Variants in RBM20 observed in about 807,000 individuals in gnomAD.
RBM20 encodes the protein RNA-binding protein 20.
In RBM20, 51 loss-of-function variants were observed where a neutral mutation model predicts 110.1. The observed-to-expected ratio is 0.46, with a 90% CI of 0.37 to 0.59. The LOEUF (loss-of-function observed/expected upper bound fraction) is 0.59, where lower values mean the gene tolerates loss of function less well. Ranked by LOEUF, RBM20 falls within the 20% of genes least tolerant of loss-of-function variation. The pLI is 0.00. For missense variants in RBM20, 1,512 were observed against 1,574.9 expected (o/e 0.96, Z 0.68); for synonymous variants, 589 against 618.2 (o/e 0.95, Z 0.70).
At chr10:110,751,443 GC>G (rs1182234505) in intron 1 of RBM20, among the ~76,000 whole-genome samples, 2 of 152,124 alleles carry the variant, frequency 1.3e-5, no homozygotes, top group Admixed American at 6.5e-5. Context: ...TAAAAAACAT[GC>G]CCCCCATGTC....
At chr10:110,799,728 GA>G in intron 6 of RBM20, 58 bp from the exon 7 acceptor site, 1 of 1,502,294 alleles carries the variant, frequency 6.7e-7, no homozygotes, top group Non-Finnish European at 8.9e-7. Context: ...GCCTTGTGCT[GA>G]ATCTTGTTTA....
At chr10:110,703,566 T>C (rs1196584621) in intron 1 of RBM20, among the ~76,000 whole-genome samples, 2 of 152,222 alleles carry the variant, frequency 1.3e-5, no homozygotes, top group East Asian at 3.8e-4. Flanking sequence ...ACCTCTCTTA[T>C]TTATCTTATA....
intron 7 of RBM20, among the ~76,000 whole-genome samples, chr10:110,807,249 TG>T (rs766457893): frequency 4.6e-4 from 70 of 152,134 alleles, no homozygotes; most frequent in Admixed American, 1.5e-3. Flanking sequence ...GCCCCCTCAC[TG>T]GGGACCTGGG....
intron 1 of RBM20, among the ~76,000 whole-genome samples, chr10:110,674,060 T>C (rs1188386854): frequency 6.6e-6 from 1 of 152,186 alleles, no homozygotes; most frequent in South Asian, 2.1e-4. Context: ...TTGCAATTTC[T>C]TGCCAAACTT....
chr10:110,726,932 C>T lies in RBM20; in HGVS notation c.192-53869C>T, dbSNP rs180985264. Among the ~76,000 whole-genome samples the T allele has an allele frequency of 5.3e-5, 8 of 152,224 alleles. No individual in the cohort carries two copies. The East Asian group carries it at 5.8e-4, about 11-fold the overall frequency. On this transcript the variant is annotated intron_variant, in intron 1 of 13. Coordinates refer to ENST00000369519, the MANE Select transcript of RBM20 (RefSeq NM_001134363.3). ...TGCAACCTTGGCTCACTGCAACCTC[C>T]GGCTCATGGGTTCAAGCAATTCTCC...
chr10:110,742,020 T>G (rs1211077727), intron 1 of RBM20, among the ~76,000 whole-genome samples: 4 of 152,232 alleles, frequency 2.6e-5, no homozygotes, highest in Non-Finnish European at 5.9e-5. Flanking sequence ...GACTGAAAGT[T>G]GAGACACCAG....
chr10:110,715,852 G>T (rs117921405), intron 1 of RBM20, among the ~76,000 whole-genome samples: 1 of 152,082 alleles, frequency 6.6e-6, no homozygotes, highest in African/African-American at 2.4e-5. Context: ...ATAGCATCAC[G>T]TCTACTCACA....
chr10:110,775,187 G>A (rs1844245273), intron 1 of RBM20, among the ~76,000 whole-genome samples: 1 of 152,162 alleles, frequency 6.6e-6, no homozygotes, highest in Non-Finnish European at 1.5e-5. Context: ...TTATAGTGTG[G>A]TCATACCTAG....
chr10:110,644,267 G>C (rs963531788), upstream of RBM20: 16 of 382,658 alleles, frequency 4.2e-5, no homozygotes, highest in African/African-American at 6.5e-5. This position sits in a 1 kb window ranked among gnomAD's most constrained non-coding sequence, Gnocchi z 4.3. Context: ...CGGCCGGGAC[G>C]AGCTGGAGCA....
At position 110,780,820 on chromosome 10, in the gene RBM20, A is replaced by G; in HGVS notation, c.211A>G (p.Lys71Glu). ...CCACAGTGCCGCCAAGCTCCTGGAC[A>G]AGAACCCATTCTCGGTCAGTAACCC... ...IIQNAAKLLDKNPFSVSNPNP... is the reference protein window; with the variant it reads ...IIQNAAKLLDENPFSVSNPNP... The change falls in exon 2 of 14, where the codon AAG (lysine) becomes GAG (glutamate). Residue 71 changes from lysine to glutamate, a missense_variant. Coordinates refer to ENST00000369519, the MANE Select transcript of RBM20 (RefSeq NM_001134363.3). 6.5e-7 allele frequency: 1 copy of G among 1,529,776 alleles called. No homozygotes were observed. The highest frequency in any genetic ancestry group is 8.8e-7 in the Non-Finnish European group (1 of 1,134,256). The allele number at this position is 1,529,776 out of a possible 1,614,324, so 94.8% of individuals were successfully genotyped here.
chr10:110,696,872 T>C (rs183884909), intron 1 of RBM20, among the ~76,000 whole-genome samples: 219 of 152,218 alleles, frequency 1.4e-3, no homozygotes, highest in Non-Finnish European at 2.7e-3. Context: ...CTTGATGAAT[T>C]CTCAAATGTG....
chr10:110,716,878 C>T (rs556292085), intron 1 of RBM20, among the ~76,000 whole-genome samples: 1 of 150,676 alleles, frequency 6.6e-6, no homozygotes, highest in Admixed American at 6.6e-5. Flanking sequence ...GATCGTGCCC[C>T]TGCACTCCCG....
chr10:110,659,853 C>T (rs966622518), intron 1 of RBM20, among the ~76,000 whole-genome samples: 1 of 148,984 alleles, frequency 6.7e-6, no homozygotes, highest in African/African-American at 2.5e-5. Context: ...TCTTCTTCCT[C>T]TTCTTTTTTT....
intron 8 of RBM20, 79 bp downstream of exon 8, chr10:110,810,541 T>G: frequency 2.0e-6 from 2 of 1,024,240 alleles, no homozygotes; most frequent in East Asian, 2.6e-5. Context: ...TTAGGGGCAT[T>G]TGAGTCATGC....
At chr10:110,691,505 T>G (rs761571408) in intron 1 of RBM20, among the ~76,000 whole-genome samples, 18 of 152,206 alleles carry the variant, frequency 1.2e-4, no homozygotes, top group Non-Finnish European at 2.2e-4. Context: ...ATTGTAGTTT[T>G]GATTTGCATT....
In RBM20 at chr10:110,837,169, G is replaced by A. The variant is rs1845142551; in HGVS notation, c.*1191G>A. ...GTCTGTAGGTGGACCCTTTCCAGCT[G>A]GGCAGATAGTTGAGGGCTCCCTGGG... On this transcript the variant is annotated 3_prime_UTR_variant, in exon 14 of 14. Transcript: ENST00000369519. The A allele has an allele frequency of 6.6e-6, 1 of 152,222 alleles. No individual in the cohort carries two copies. Among genetic ancestry groups the A allele is most frequent in the African/African-American group, 2.4e-5 (1 of 41,446 alleles). 9.4% of individuals were successfully genotyped at this position (152,222 alleles called of 1,614,324 possible). A position where few individuals can be genotyped will look rare whatever the true frequency, so the allele number is the denominator to read the frequency against.
Position 110,836,601 on chromosome 10 carries a change from GC to G in RBM20, c.*627del, listed in dbSNP as rs1554845077. 6.6e-6 allele frequency: 1 copy of G among 152,090 alleles called. No individual in the cohort carries two copies. Among genetic ancestry groups the G allele is most frequent in the South Asian group, 2.1e-4 (1 of 4,826 alleles). 9.4% of individuals were successfully genotyped at this position (152,090 alleles called of 1,614,324 possible). ...TCCAACTGGGCCACCCTTTTGAAAA[GC>G]CCCTGTTTTTAATAACTGTTTCATC... On this transcript the variant is annotated 3_prime_UTR_variant, in exon 14 of 14. Transcript: ENST00000369519.
chr10:110,809,882 CAG>C (rs1844742821), intron 7 of RBM20, among the ~76,000 whole-genome samples: 1 of 152,212 alleles, frequency 6.6e-6, no homozygotes, highest in Admixed American at 6.5e-5. Context: ...GCATGGAACA[CAG>C]GGTGGCTGGT....
intron 1 of RBM20, among the ~76,000 whole-genome samples, chr10:110,705,134 G>A (rs370919525): frequency 8.5e-4 from 130 of 152,312 alleles, no homozygotes; most frequent in African/African-American, 3.1e-3. Context: ...CCTCCAGCAC[G>A]ATGCTGGTTC....
Sources: allele counts gnomAD v4.1 joint callset (sites outside exome capture counted in the v4.1 genomes callset), GRCh38; gene constraint gnomAD v4.1.1; non-coding constraint Gnocchi (gnomAD v3.1); transcripts MANE v1.5; gene names NCBI Gene and HGNC (gene_info 2026-07-23, HGNC 2026-07-21).